The following SYNJ1 variants were observed in gnomAD, a reference collection of about 807,000 sequenced individuals.
The protein encoded by SYNJ1 is polyphosphatidylinositol phosphatase SYNJ1.
A neutral mutation model predicts 168.2 loss-of-function variants in SYNJ1; 78 were observed. That is an observed-to-expected ratio of 0.46 (90% CI 0.39 to 0.56). SYNJ1 has a LOEUF of 0.56. SYNJ1 is among the 20% of genes least tolerant of loss of function. The pLI is 0.00. For missense variants in SYNJ1, 1,303 were observed against 1,597.6 expected (o/e 0.82, Z 3.14); for synonymous variants, 539 against 548.6 (o/e 0.98, Z 0.24).
intron 10 of SYNJ1, among the ~76,000 whole-genome samples, chr21:32,682,840 C>A (rs1007640702): frequency 6.6e-6 from 1 of 152,198 alleles, no homozygotes; most frequent in African/African-American, 2.4e-5. Context: ...ATTTATTCAG[C>A]CACTTAAAAC....
chr21:32,681,204 G>A (rs942718980), intron 11 of SYNJ1, among the ~76,000 whole-genome samples: 1 of 151,902 alleles, frequency 6.6e-6, no homozygotes, highest in African/African-American at 2.4e-5. Flanking sequence ...GATATACAAG[G>A]GAAATCATGA....
rs1403688033 is a variant in SYNJ1, at chr21:32,694,279, G to A, written c.738C>T (p.Phe246=). 1 of 1,571,988 alleles carries A rather than the reference G, an allele frequency of 6.4e-7. No homozygotes were observed. ...ATGGAACAGATCCTCGGATTTGTATGAAGGAAGAAACTGAGTCATCTAAGT... is the reference window on the plus strand; with the variant it reads ...ATGGAACAGATCCTCGGATTTGTATAAAGGAAGAAACTGAGTCATCTAAGT... ...VVYLDDSVSS[F]IQIRGSVPLF... is the part of the protein sequence containing the mutation. The change falls in exon 6 of 33, where the codon TTC becomes TTT. Residue 246 remains phenylalanine (F), a synonymous_variant. Coordinates refer to ENST00000674351, the MANE Select transcript of SYNJ1 (RefSeq NM_203446.3).
intron 1 of SYNJ1, 33 bp from the exon 2 acceptor site, chr21:32,726,950 G>A: frequency 6.2e-7 from 1 of 1,608,758 alleles, no homozygotes; most frequent in Non-Finnish European, 8.5e-7. Context: ...AGCAAATGAA[G>A]CTGATGTTTC....
intron 22 of SYNJ1, 87 bp downstream of exon 22, chr21:32,653,201 T>A (rs1260000456): frequency 9.5e-7 from 1 of 1,053,768 alleles, no homozygotes; most frequent in East Asian, 2.4e-5. Context: ...CCCATTTAGA[T>A]AATCTTGCTG....
chr21:32,653,614 G>C, intron 21 of SYNJ1: 1 of 417,842 alleles, frequency 2.4e-6, no homozygotes, highest in Non-Finnish European at 4.4e-6. Context: ...ACCTCCATTT[G>C]TGATCACTGC....
chr21:32,722,209 T>C (rs2409461), intron 2 of SYNJ1, among the ~76,000 whole-genome samples: 1 of 80,788 alleles, frequency 1.2e-5, no homozygotes, highest in Non-Finnish European at 2.5e-5. Context: ...AAAAAAAATA[T>C]ATATATATAT....
chr21:32,645,099 A>G (rs1190156934), intron 25 of SYNJ1, 93 bp from the exon 26 acceptor site: 1 of 1,228,336 alleles, frequency 8.1e-7, no homozygotes, highest in Non-Finnish European at 1.1e-6. Flanking sequence ...CATGACATCA[A>G]GTATCATGCA....
intron 2 of SYNJ1, among the ~76,000 whole-genome samples, chr21:32,711,409 T>G (rs1449242428): frequency 2.6e-5 from 4 of 152,038 alleles, no homozygotes; most frequent in African/African-American, 9.7e-5. Context: ...CTTGGCTCAC[T>G]GCAACCTCCA....
chr21:32,645,516 G>T, intron 25 of SYNJ1, 130 bp downstream of exon 25: 1 of 1,266,044 alleles, frequency 7.9e-7, no homozygotes, highest in Non-Finnish European at 1.0e-6. Context: ...TTAGAGAAAA[G>T]CTAAGAAATA....
At chr21:32,727,867 T>G (rs1293544446) in intron 1 of SYNJ1, 79 bp downstream of exon 1, 6 of 1,518,640 alleles carry the variant, frequency 4.0e-6, no homozygotes. Flanking sequence ...AGGCAGAGAC[T>G]GGTCTTGGAG....
rs757804939 is a variant in SYNJ1, at chr21:32,645,713, C to T, written c.3324G>A (p.Pro1108=). 14 of 1,472,196 alleles carry T rather than the reference C, an allele frequency of 9.5e-6. No individual in the cohort carries two copies. In the South Asian group the frequency reaches 1.9e-4, roughly 20 times the overall value. 91.2% of individuals were successfully genotyped at this position (1,472,196 alleles called of 1,614,324 possible). ...GAGGGGCGACCGGGCGGGGCGGCGG[C>T]GGCCGCTTGGGCTCCAAGGGCTGGG... The part of the protein sequence containing the change: ...DPAQPLEPKR[P]PPPRPVAPPT... The change falls in exon 25 of 33, where the codon CCG becomes CCA. Residue 1108 remains proline, a synonymous_variant. Coordinates refer to ENST00000674351, the MANE Select transcript of SYNJ1 (RefSeq NM_203446.3).
intron 18 of SYNJ1, among the ~76,000 whole-genome samples, chr21:32,659,749 T>C (rs1266878788): frequency 2.0e-5 from 3 of 152,214 alleles, no homozygotes; most frequent in Non-Finnish European, 2.9e-5. Context: ...AGTCTGCCGA[T>C]GCTCCCAGCT....
chr21:32,683,485 T>C (rs1468027861), intron 10 of SYNJ1, among the ~76,000 whole-genome samples: 1 of 151,798 alleles, frequency 6.6e-6, no homozygotes, highest in Non-Finnish European at 1.5e-5. Flanking sequence ...ACAAACTGGA[T>C]TGGTATCAGA....
In SYNJ1 at chr21:32,664,903, A is replaced by G. The variant is rs1477252378; in HGVS notation, c.2304+10T>C. ...TCTTAATGCAAGTATTTTCTCAAGT[A>G]TAGATATACCTGTCCAGCATTTTTC... On this transcript the variant is annotated intron_variant, in intron 18 of 32. Coordinates refer to ENST00000674351, the MANE Select transcript of SYNJ1 (RefSeq NM_203446.3). 6.4e-7 allele frequency: 1 copy of G among 1,573,908 alleles called. No homozygotes were observed. The highest frequency in any genetic ancestry group is 1.1e-5 in the South Asian group (1 of 87,038).
intron 6 of SYNJ1, among the ~76,000 whole-genome samples, chr21:32,692,247 G>A (rs76444470): frequency 0.018 from 2,701 of 152,252 alleles, 47 homozygotes; most frequent in Non-Finnish European, 0.024. Context: ...TAAAATAGAA[G>A]TTCTTGACTT....
intron 2 of SYNJ1, among the ~76,000 whole-genome samples, chr21:32,708,505 A>G (rs1674785758): frequency 6.6e-6 from 1 of 152,252 alleles, no homozygotes; most frequent in African/African-American, 2.4e-5. Flanking sequence ...GGAATGTCCC[A>G]GAAGAGAATT....
chr21:32,722,266 T>C (rs1349242421), intron 2 of SYNJ1, among the ~76,000 whole-genome samples: 1 of 147,644 alleles, frequency 6.8e-6, no homozygotes, highest in Admixed American at 6.8e-5. Context: ...ATAAGTTTTA[T>C]AGGGCTGGGC....
chr21:32,653,588 AG>A (rs1231123621), intron 21 of SYNJ1: 1 of 466,706 alleles, frequency 2.1e-6, no homozygotes, highest in African/African-American at 2.0e-5. Flanking sequence ...AACAGCCACA[AG>A]AAATGAGTCT....
rs149760901 is a variant in SYNJ1 at position 32,707,854 on chromosome 21, T to C, written c.125-5807A>G. The stretch of plus-strand genomic sequence containing the variant: ...CATCATGGTGAAACCCCGTCTCTAT[T>C]AAAAATACAAAAATTAGGTGGGCGT... On this transcript the variant is annotated intron_variant, in intron 2 of 32. Transcript: ENST00000674351. Among the ~76,000 whole-genome samples, 856 of 152,196 alleles carry C rather than the reference T, an allele frequency of 5.6e-3. 7 individuals are homozygous for C. Among genetic ancestry groups the C allele is most frequent in the African/African-American group, 0.02 (823 of 41,504 alleles).
Sources: allele counts gnomAD v4.1 joint callset (sites outside exome capture counted in the v4.1 genomes callset), GRCh38; gene constraint gnomAD v4.1.1; transcripts MANE v1.5; gene names NCBI Gene and HGNC (gene_info 2026-07-23, HGNC 2026-07-21).